Variants in GPM6A observed in about 807,000 individuals in gnomAD.
GPM6A encodes the protein neuronal membrane glycoprotein M6-a.
A neutral mutation model predicts 32.1 loss-of-function variants in GPM6A; 7 were observed. The ratio of observed to expected loss-of-function variants is 0.22; its 90% CI spans 0.12 to 0.41. GPM6A has a LOEUF of 0.41. Among genes scored for constraint, GPM6A ranks in the 10% least tolerant of loss-of-function variants. GPM6A has a pLI of 1.00. For missense variants in GPM6A, 235 were observed against 347.2 expected (o/e 0.68, Z 2.57); for synonymous variants, 130 against 123.4 (o/e 1.05, Z -0.35).
chr4:175,925,823 C>A (rs1192126013), intron 1 of GPM6A, among the ~76,000 whole-genome samples: 1 of 150,822 alleles, frequency 6.6e-6, no homozygotes, highest in Admixed American at 6.6e-5. Flanking sequence ...TATTTATACC[C>A]AGATTCTCTT....
At chr4:175,660,253 C>T (rs948361401) in intron 3 of GPM6A, among the ~76,000 whole-genome samples, 1 of 151,830 alleles carries the variant, frequency 6.6e-6, no homozygotes, top group Non-Finnish European at 1.5e-5. Flanking sequence ...CAAAAATTAG[C>T]CGGGCATGTA....
intron 1 of GPM6A, among the ~76,000 whole-genome samples, chr4:175,819,204 T>C (rs1735202282): frequency 6.6e-6 from 1 of 152,064 alleles, no homozygotes; most frequent in African/African-American, 2.4e-5. Flanking sequence ...ATCCAAACAC[T>C]ACTACTAATT....
chr4:175,842,681 TTGAG>T (rs931232640), intron 1 of GPM6A, among the ~76,000 whole-genome samples: 5 of 152,146 alleles, frequency 3.3e-5, no homozygotes, highest in African/African-American at 1.2e-4. Context: ...GCGTGAGTGA[TTGAG>T]TGAGATCCTG....
chr4:175,716,222 TA>T (rs1240442140), intron 1 of GPM6A, among the ~76,000 whole-genome samples: 1 of 152,158 alleles, frequency 6.6e-6, no homozygotes, highest in East Asian at 1.9e-4. Flanking sequence ...AAGTGGTCAT[TA>T]GCTTCAAACC....
At position 175,901,642 on chromosome 4, in the gene GPM6A, C is replaced by CTT. The variant is rs59429547; in HGVS notation, c.-22-89395_-22-89394dup. Among the ~76,000 whole-genome samples, 974 of 119,440 alleles carry CTT rather than the reference C, an allele frequency of 8.2e-3. 21 individuals carry two copies. Among genetic ancestry groups the CTT allele is most frequent in the African/African-American group, 0.028 (882 of 31,566 alleles). The allele number at this position is 119,440 out of a possible 152,430, so 78.4% of individuals were successfully genotyped here. On this transcript the variant is annotated intron_variant, in intron 1 of 7. Transcript: ENST00000280187. ...TTTTTCTTTTTCTTTTTTTTTTTTC[C>CTT]TTTTTTTTTTTTTTGGACAAAGTCT... is the stretch of plus-strand genomic sequence containing the variant.
At chr4:175,812,739 T>A (rs1314945575), upstream of GPM6A, 1 of 985,496 alleles carries the variant, frequency 1.0e-6, no homozygotes, top group Non-Finnish European at 1.2e-6. Flanking sequence ...AATTCCCCCC[T>A]TCATTCCAGA....
intron 1 of GPM6A, among the ~76,000 whole-genome samples, chr4:175,820,500 CTTTT>C (rs66569311): frequency 2.9e-4 from 32 of 112,116 alleles, no homozygotes; most frequent in African/African-American, 1.0e-3. Context: ...TCTTTTCTTT[CTTTT>C]TTTTTTTTTT....
chr4:175,730,012 G>A (rs1731349521), intron 1 of GPM6A, among the ~76,000 whole-genome samples: 1 of 150,344 alleles, frequency 6.7e-6, no homozygotes, highest in Admixed American at 6.6e-5. Context: ...AGTCAGTCAT[G>A]CTGCCTTTCA....
At chr4:175,665,156 G>A (rs1486317018) in intron 3 of GPM6A, among the ~76,000 whole-genome samples, 3 of 152,196 alleles carry the variant, frequency 2.0e-5, no homozygotes, top group Non-Finnish European at 4.4e-5. Context: ...TGCCCACAAT[G>A]TGTACTGTAC....
Position 175,766,383 on chromosome 4 carries a change from A to G in GPM6A, c.37+45808T>C, listed in dbSNP as rs973711701. ...GTTAGGAAAACATTCGCTCAGTAAA[A>G]TAAGCCTTTATCTGGAGGAAAAAAC... On this transcript the variant is annotated intron_variant, in intron 1 of 6. Transcript: ENST00000393658. Among the ~76,000 whole-genome samples the G allele has an allele frequency of 5.3e-5, 8 of 152,202 alleles. No individual in the cohort carries two copies. The East Asian group carries it at 1.3e-3, about 26-fold the overall frequency.
chr4:175,870,153 G>A (rs1414472407), intron 1 of GPM6A, among the ~76,000 whole-genome samples: 1 of 152,166 alleles, frequency 6.6e-6, no homozygotes, highest in Non-Finnish European at 1.5e-5. Context: ...ACTTTGATGT[G>A]TTTTGTCATT....
intron 1 of GPM6A, among the ~76,000 whole-genome samples, chr4:175,983,390 T>G (rs1740873393): frequency 6.6e-6 from 1 of 152,206 alleles, no homozygotes; most frequent in African/African-American, 2.4e-5. Context: ...AGGTCCTGTC[T>G]CAGCAGACAA....
At chr4:175,739,270 C>A (rs1446271780) in intron 1 of GPM6A, among the ~76,000 whole-genome samples, 1 of 152,070 alleles carries the variant, frequency 6.6e-6, no homozygotes, top group Non-Finnish European at 1.5e-5. Flanking sequence ...AGTCATCTGG[C>A]ATGTGTATTT....
chr4:175,769,199 G>A (rs530078016), intron 1 of GPM6A, among the ~76,000 whole-genome samples: 31 of 152,190 alleles, frequency 2.0e-4, no homozygotes, highest in Non-Finnish European at 4.4e-4. Context: ...ATTAACCATG[G>A]TTGCATATTA....
Position 175,744,941 on chromosome 4 carries a change from T to C in GPM6A, c.38-43174A>G, listed in dbSNP as rs536025011. Reference sequence around the variant, plus strand: ...TGCAGGAAATATAAATTGTTAAACATAATAAAAAGAAAAAGGACAGGAAAG... The same window carrying C: ...TGCAGGAAATATAAATTGTTAAACACAATAAAAAGAAAAAGGACAGGAAAG... On this transcript the variant is annotated intron_variant, in intron 1 of 6. Coordinates refer to ENST00000393658, the MANE Select transcript of GPM6A (RefSeq NM_201591.3). 2.0e-3 allele frequency among the ~76,000 whole-genome samples: 304 copies of C among 152,224 alleles called. 1 individual carries two copies. Among genetic ancestry groups the C allele is most frequent in the African/African-American group, 4.2e-3 (176 of 41,550 alleles).
intron 1 of GPM6A, among the ~76,000 whole-genome samples, chr4:175,771,697 A>G (rs938314931): frequency 1.3e-5 from 2 of 152,172 alleles, no homozygotes; most frequent in African/African-American, 4.8e-5. Flanking sequence ...TTACCTCACA[A>G]CTAGCCAGAT....
At chr4:175,659,635 C>T (rs1742287126) in intron 3 of GPM6A, among the ~76,000 whole-genome samples, 1 of 152,104 alleles carries the variant, frequency 6.6e-6, no homozygotes, top group Non-Finnish European at 1.5e-5. Flanking sequence ...AATAGAAAGG[C>T]AAGCACACTC....
At chr4:175,852,932 A>C (rs1736303501) in intron 1 of GPM6A, among the ~76,000 whole-genome samples, 1 of 152,136 alleles carries the variant, frequency 6.6e-6, no homozygotes, top group Non-Finnish European at 1.5e-5. Context: ...GTCCAGCAAA[A>C]TGTCTCAATC....
chr4:175,947,877 T>G (rs1017900601), intron 1 of GPM6A, among the ~76,000 whole-genome samples: 7 of 152,200 alleles, frequency 4.6e-5, no homozygotes, highest in African/African-American at 1.7e-4. Flanking sequence ...ATTCTAGATT[T>G]TTTAGTAAAA....
Sources: allele counts gnomAD v4.1 joint callset (sites outside exome capture counted in the v4.1 genomes callset), GRCh38; gene constraint gnomAD v4.1.1; transcripts MANE v1.5; gene names NCBI Gene and HGNC (gene_info 2026-07-23, HGNC 2026-07-21).